The following GRIA4 variants were observed in gnomAD, a reference collection of about 807,000 sequenced individuals.
The protein encoded by GRIA4 is glutamate receptor 4.
In GRIA4, 34 loss-of-function variants were observed where a neutral mutation model predicts 104.0. The ratio of observed to expected loss-of-function variants is 0.33; its 90% CI spans 0.25 to 0.44. GRIA4 has a LOEUF of 0.44. Among genes scored for constraint, GRIA4 ranks in the 20% least tolerant of loss-of-function variants. GRIA4 has a pLI of 1.00. For missense variants in GRIA4, 750 were observed against 1,096.5 expected, an observed-to-expected ratio of 0.68 and a Z score of 4.46; for synonymous variants, 386 against 381.9, an observed-to-expected ratio of 1.01 and a Z score of -0.13.
intron 14 of GRIA4, among the ~76,000 whole-genome samples, chr11:105,955,936 G>A (rs1948576550): frequency 6.6e-6 from 1 of 152,080 alleles, no homozygotes; most frequent in African/African-American, 2.4e-5. Flanking sequence ...AGACGTGTCT[G>A]TTCATGTGCT....
At chr11:105,972,227 T>A (rs1328675164) in intron 15 of GRIA4, among the ~76,000 whole-genome samples, 199 bp downstream of exon 15, 2 of 152,196 alleles carry the variant, frequency 1.3e-5, no homozygotes, top group East Asian at 3.8e-4. Context: ...ATTAAGACTT[T>A]TAAATTAAAT....
In GRIA4 at chr11:105,845,666, G is replaced by A. The variant is rs556782947; in HGVS notation, c.488-16358G>A. ...TGGGAGACCGAGGCGGGTAGATCGC[G>A]AGGTCAGGAGATAGAGACCATCCTG... is the stretch of plus-strand genomic sequence containing the variant. On this transcript the variant is annotated intron_variant, in intron 4 of 16. Coordinates refer to ENST00000282499, the MANE Select transcript of GRIA4 (RefSeq NM_000829.4). 5.9e-5 allele frequency among the ~76,000 whole-genome samples: 9 copies of A among 152,272 alleles called. No individual in the cohort carries two copies. In the South Asian group the frequency reaches 1.0e-3, roughly 18 times the overall value.
At position 105,647,624 on chromosome 11, in the gene GRIA4, C is replaced by T. The variant is rs117021135; in HGVS notation, c.247+35190C>T. ...AAAACTATACAGCCATAAGAAAGAA[C>T]GAGATCATGTCCTTTGCAAGGACAT... On this transcript the variant is annotated intron_variant, in intron 3 of 16. Transcript: ENST00000282499. Among the ~76,000 whole-genome samples, 1,198 of 152,170 alleles carry T rather than the reference C, an allele frequency of 7.9e-3. 17 individuals are homozygous for T. Among genetic ancestry groups the T allele is most frequent in the East Asian group, 0.047 (241 of 5,170 alleles).
At chr11:105,811,327 G>A (rs556355488) in intron 4 of GRIA4, among the ~76,000 whole-genome samples, 1 of 152,146 alleles carries the variant, frequency 6.6e-6, no homozygotes, top group Non-Finnish European at 1.5e-5. Context: ...AACTTATCTG[G>A]AAGGCAGAGG....
Position 105,648,622 on chromosome 11 carries a change from G to A in GRIA4, c.247+36188G>A, listed in dbSNP as rs532772420. Reference sequence around the variant, plus strand: ...AAAAAAGAAAGAACTAGGAAGGGAAGGATGCAGAGAAAGAAAAGAAACAAT... The same window carrying A: ...AAAAAAGAAAGAACTAGGAAGGGAAAGATGCAGAGAAAGAAAAGAAACAAT... On this transcript the variant is annotated intron_variant, in intron 3 of 16. Transcript: ENST00000282499. Among the ~76,000 whole-genome samples, 9 of 151,662 alleles carry A rather than the reference G, an allele frequency of 5.9e-5. No homozygotes were observed. In the East Asian group the frequency reaches 1.7e-3, roughly 29 times the overall value.
chr11:105,750,523 G>A (rs944110625), intron 3 of GRIA4, among the ~76,000 whole-genome samples: 1 of 152,022 alleles, frequency 6.6e-6, no homozygotes. Flanking sequence ...AATGTATGAT[G>A]ATGCAAATGA....
intron 4 of GRIA4, among the ~76,000 whole-genome samples, chr11:105,776,663 A>G (rs2095013269): frequency 6.6e-6 from 1 of 152,146 alleles, no homozygotes; most frequent in African/African-American, 2.4e-5. Flanking sequence ...CCTGAGGTCT[A>G]GATAGAAGTT....
chr11:105,796,110 C>T (rs531567241), intron 4 of GRIA4, among the ~76,000 whole-genome samples: 1 of 152,202 alleles, frequency 6.6e-6, no homozygotes, highest in East Asian at 1.9e-4. Context: ...GCTTCCATTT[C>T]AATTTTATCT....
intron 4 of GRIA4, among the ~76,000 whole-genome samples, chr11:105,821,536 AAGAG>A (rs978246170): frequency 6.6e-6 from 1 of 151,918 alleles, no homozygotes; most frequent in Admixed American, 6.6e-5. Flanking sequence ...AAGCAGGAGC[AAGAG>A]AGAGAGGGCG....
At chr11:105,706,078 C>T (rs1378647204) in intron 3 of GRIA4, among the ~76,000 whole-genome samples, 1 of 152,122 alleles carries the variant, frequency 6.6e-6, no homozygotes, top group Non-Finnish European at 1.5e-5. Context: ...ATGAGGAAAA[C>T]CTCTATAAAC....
intron 5 of GRIA4, among the ~76,000 whole-genome samples, chr11:105,885,232 T>A (rs1007218118): frequency 6.6e-6 from 1 of 152,114 alleles, no homozygotes; most frequent in Non-Finnish European, 1.5e-5. Context: ...ATAAGATGGC[T>A]CCATCCTGCT....
At chr11:105,952,222 C>T (rs1423982831) in intron 14 of GRIA4, among the ~76,000 whole-genome samples, 20 of 152,090 alleles carry the variant, frequency 1.3e-4, no homozygotes, top group Admixed American at 1.3e-3. Flanking sequence ...AATCTGTGTT[C>T]AAGTTGCCCT....
chr11:105,894,358 A>ACC (rs149664155), intron 6 of GRIA4, among the ~76,000 whole-genome samples: 3 of 151,166 alleles, frequency 2.0e-5, no homozygotes, highest in African/African-American at 7.3e-5. Context: ...GCTTTTCTTC[A>ACC]CCCCCCCGAG....
chr11:105,818,510 T>C (rs968473048), intron 4 of GRIA4, among the ~76,000 whole-genome samples: 2 of 152,188 alleles, frequency 1.3e-5, no homozygotes, highest in African/African-American at 4.8e-5. Context: ...CTCCAACTAT[T>C]CAATTAATAT....
At chr11:105,769,054 A>T (rs1941087310) in intron 4 of GRIA4, among the ~76,000 whole-genome samples, 1 of 152,090 alleles carries the variant, frequency 6.6e-6, no homozygotes, top group Non-Finnish European at 1.5e-5. Flanking sequence ...AGTAGTCCAC[A>T]TTGTCTGAGA....
intron 4 of GRIA4, among the ~76,000 whole-genome samples, chr11:105,845,436 C>A (rs1944547757): frequency 6.6e-6 from 1 of 152,116 alleles, no homozygotes; most frequent in Non-Finnish European, 1.5e-5. Context: ...GAGAGGGAAC[C>A]TTGACCCCTG....
intron 3 of GRIA4, among the ~76,000 whole-genome samples, chr11:105,726,301 C>A (rs762458448): frequency 6.6e-6 from 1 of 152,076 alleles, no homozygotes; most frequent in Non-Finnish European, 1.5e-5. Flanking sequence ...TGGAGCCCAC[C>A]GCAGCACCTC....
At chr11:105,652,183 T>A (rs1028629055) in intron 3 of GRIA4, among the ~76,000 whole-genome samples, 3 of 152,162 alleles carry the variant, frequency 2.0e-5, no homozygotes, top group East Asian at 1.9e-4. Flanking sequence ...AGGATTTTTT[T>A]AAATCAATGA....
intron 5 of GRIA4, among the ~76,000 whole-genome samples, chr11:105,875,197 T>C (rs1477192048): frequency 6.6e-6 from 1 of 152,202 alleles, no homozygotes; most frequent in Non-Finnish European, 1.5e-5. Flanking sequence ...ATTGGTTCTG[T>C]TTATGTGATA....
Sources: gnomAD v4.1 joint callset for allele counts (sites outside exome capture counted in the v4.1 genomes callset) on GRCh38, gnomAD v4.1.1 for gene constraint, MANE v1.5 for transcripts, NCBI Gene and HGNC (gene_info 2026-07-23, HGNC 2026-07-21) for gene names.